DAB1: variants seen among roughly 807,000 people sequenced by gnomAD.
DAB1 encodes DAB adaptor protein 1.
A neutral mutation model predicts 64.6 loss-of-function variants in DAB1; 15 were observed. The ratio of observed to expected loss-of-function variants is 0.23; its 90% CI spans 0.16 to 0.36. DAB1 has a LOEUF of 0.36. DAB1 is among the 10% of genes least tolerant of loss of function. The pLI is 1.00. For synonymous variants in DAB1, 235 were observed against 251.9 expected, an observed-to-expected ratio of 0.93 and a Z score of 0.64; for missense variants, 596 against 706.7, an observed-to-expected ratio of 0.84 and a Z score of 1.78.
chr1:57,790,464 A>G (rs1432111093), intron 6 of DAB1, among the ~76,000 whole-genome samples: 2 of 152,160 alleles, frequency 1.3e-5, no homozygotes, highest in Non-Finnish European at 2.9e-5. Context: ...TAAATTACCC[A>G]GTCTCAAGTA....
At chr1:58,481,740 G>T (rs11207238) in intron 3 of DAB1, among the ~76,000 whole-genome samples, 8 of 151,920 alleles carry the variant, frequency 5.3e-5, no homozygotes, top group African/African-American at 1.9e-4. Context: ...GGTGTTTCCC[G>T]TGCTGTTCTC....
At chr1:58,400,188 G>C (rs1003550711) in intron 3 of DAB1, among the ~76,000 whole-genome samples, 1 of 151,456 alleles carries the variant, frequency 6.6e-6, no homozygotes, top group Non-Finnish European at 1.5e-5. Context: ...TCTCTCAACA[G>C]AAACCAGCTT....
chr1:57,454,998 G>A (rs545542486), intron 7 of DAB1, among the ~76,000 whole-genome samples: 1 of 152,182 alleles, frequency 6.6e-6, no homozygotes, highest in East Asian at 1.9e-4. Flanking sequence ...AAGGAGAGAG[G>A]GCAACTTTGT....
At chr1:57,941,549 C>A (rs967193919) in intron 5 of DAB1, among the ~76,000 whole-genome samples, 6 of 152,284 alleles carry the variant, frequency 3.9e-5, no homozygotes, top group Non-Finnish European at 7.4e-5. Context: ...TTTAAGAAAT[C>A]GAATGGGCCG....
chr1:57,419,154 C>G (rs1684712383), intron 1 of DAB1, among the ~76,000 whole-genome samples: 1 of 152,068 alleles, frequency 6.6e-6, no homozygotes, highest in African/African-American at 2.4e-5. Context: ...CTGACAACAC[C>G]TCCTCTGCCA....
chr1:57,710,666 T>C (rs1036240529), intron 6 of DAB1, among the ~76,000 whole-genome samples: 4 of 152,096 alleles, frequency 2.6e-5, no homozygotes, highest in Admixed American at 6.6e-5. Flanking sequence ...GGGAGGTTAA[T>C]TCTTTGCTTT....
intron 2 of DAB1, among the ~76,000 whole-genome samples, chr1:57,165,345 A>G (rs1026605957): frequency 5.3e-5 from 8 of 152,226 alleles, no homozygotes; most frequent in Admixed American, 3.9e-4. Flanking sequence ...AATATGGTCT[A>G]TAAACATGAT....
chr1:58,088,947 G>A (rs1650479164), intron 5 of DAB1, among the ~76,000 whole-genome samples: 1 of 152,202 alleles, frequency 6.6e-6, no homozygotes, highest in Admixed American at 6.5e-5. Context: ...GAAAGGAAAG[G>A]CAGCACAGTG....
chr1:58,184,277 T>C (rs2039733), intron 4 of DAB1, among the ~76,000 whole-genome samples: 2 of 148,662 alleles, frequency 1.3e-5, no homozygotes, highest in Non-Finnish European at 1.5e-5. Flanking sequence ...TTTAAAAATA[T>C]ATAACATATG....
intron 4 of DAB1, among the ~76,000 whole-genome samples, chr1:58,191,400 A>C (rs1657380620): frequency 6.6e-6 from 1 of 152,062 alleles, no homozygotes; most frequent in Non-Finnish European, 1.5e-5. Flanking sequence ...CCTTTTTTTC[A>C]ATCGGAATCC....
intron 5 of DAB1, among the ~76,000 whole-genome samples, chr1:58,069,563 A>G (rs889567504): frequency 6.6e-6 from 1 of 152,202 alleles, no homozygotes; most frequent in African/African-American, 2.4e-5. Flanking sequence ...GAGGTTAATT[A>G]ACAAGCCCCA....
chr1:57,996,384 C>T (rs908501061), intron 5 of DAB1, among the ~76,000 whole-genome samples: 1 of 152,158 alleles, frequency 6.6e-6, no homozygotes, highest in African/African-American at 2.4e-5. Context: ...ACAATTCAGA[C>T]TAAATCCCAT....
At chr1:58,423,137 C>A (rs1370409704) in intron 3 of DAB1, among the ~76,000 whole-genome samples, 1 of 152,188 alleles carries the variant, frequency 6.6e-6, no homozygotes, top group African/African-American at 2.4e-5. Flanking sequence ...AGGTCTTCAG[C>A]CCCAGAGCCC....
chr1:58,091,375 G>C (rs981795481), intron 5 of DAB1, among the ~76,000 whole-genome samples: 1 of 152,134 alleles, frequency 6.6e-6, no homozygotes, highest in South Asian at 2.1e-4. Context: ...CTGAAACCTA[G>C]TGTAGCTCTT....
intron 1 of DAB1, among the ~76,000 whole-genome samples, chr1:57,346,601 A>G (rs757669055): frequency 1.3e-5 from 2 of 152,206 alleles, no homozygotes; most frequent in Non-Finnish European, 2.9e-5. Flanking sequence ...ATCTCAGTAT[A>G]CCAAAAATGG....
At chr1:58,445,032 T>A (rs1164033821) in intron 3 of DAB1, among the ~76,000 whole-genome samples, 1 of 152,242 alleles carries the variant, frequency 6.6e-6, no homozygotes, top group Non-Finnish European at 1.5e-5. Context: ...TTGTATGATT[T>A]TCTAGCTTGA....
At chr1:58,139,434 C>T (rs1171011362) in intron 5 of DAB1, among the ~76,000 whole-genome samples, 3 of 152,132 alleles carry the variant, frequency 2.0e-5, no homozygotes, top group African/African-American at 7.2e-5. Context: ...GAAGCAAACA[C>T]GTCCTTCTTC....
At chr1:57,477,242 A>T (rs1643949603) in intron 7 of DAB1, among the ~76,000 whole-genome samples, 1 of 152,192 alleles carries the variant, frequency 6.6e-6, no homozygotes, top group African/African-American at 2.4e-5. Flanking sequence ...TGTAAAAATT[A>T]TACTTTGCAT....
intron 7 of DAB1, among the ~76,000 whole-genome samples, chr1:57,585,649 C>T (rs565741654): frequency 1.3e-5 from 2 of 152,222 alleles, no homozygotes; most frequent in South Asian, 2.1e-4. Context: ...TAGGCATTCA[C>T]AATTCTATAA....
Sources: gnomAD v4.1 joint callset for allele counts (sites outside exome capture counted in the v4.1 genomes callset) on GRCh38, gnomAD v4.1.1 for gene constraint, MANE v1.5 for transcripts, NCBI Gene and HGNC (gene_info 2026-07-23, HGNC 2026-07-21) for gene names.